PLEKHH2: variants seen among roughly 807,000 people sequenced by gnomAD.
PLEKHH2 encodes pleckstrin homology domain-containing family H member 2.
Under a neutral mutation model 187.9 loss-of-function variants are expected in PLEKHH2, and 129 were observed. The ratio of observed to expected loss-of-function variants is 0.69; its 90% CI spans 0.59 to 0.79. The LOEUF (loss-of-function observed/expected upper bound fraction) is 0.79, where lower values mean the gene tolerates loss of function less well. Among genes scored for constraint, PLEKHH2 ranks in the 30% least tolerant of loss-of-function variants. The pLI is 0.00. For missense variants in PLEKHH2, 2,076 were observed against 1,751.2 expected (o/e 1.19, Z -3.31); for synonymous variants, 686 against 605.6 (o/e 1.13, Z -1.95).
chr2:43,700,111 GA>G lies in PLEKHH2; in HGVS notation c.1155del (p.Glu385AspfsTer2). 1 of 1,614,108 alleles carries G rather than the reference GA, an allele frequency of 6.2e-7. No individual in the cohort carries two copies. Among genetic ancestry groups the G allele is most frequent in the Non-Finnish European group, 8.5e-7 (1 of 1,180,020 alleles). On this transcript the variant is annotated frameshift_variant, in exon 8 of 30. Transcript: ENST00000282406. LOFTEE classifies it high-confidence loss of function. ...AAAGGAACAAGATAGTTCCTCGGAT[GA>G]ACTGAATAAAAAATTTCAATCCCAG... is the stretch of plus-strand genomic sequence containing the variant. Reference protein sequence around the residue: ...SKKEQDSSSDELNKKFQSQRL... With the variant: ...SKKEQDSSSDXLNKKFQSQRL...
chr2:43,709,615 A>G (rs1478006264), intron 11 of PLEKHH2, among the ~76,000 whole-genome samples: 1 of 152,164 alleles, frequency 6.6e-6, no homozygotes, highest in Non-Finnish European at 1.5e-5. Flanking sequence ...AGGCAGGCGG[A>G]TCACGAGGTC....
At chr2:43,731,134 G>A (rs553884659) in intron 18 of PLEKHH2, among the ~76,000 whole-genome samples, 20 of 152,298 alleles carry the variant, frequency 1.3e-4, no homozygotes, top group Non-Finnish European at 2.4e-4. Context: ...CTGAGGGAAA[G>A]GGTGGGAAGG....
intron 2 of PLEKHH2, among the ~76,000 whole-genome samples, chr2:43,647,495 T>C (rs1666237602): frequency 6.6e-6 from 1 of 152,182 alleles, no homozygotes; most frequent in South Asian, 2.1e-4. Context: ...CACTCATCCA[T>C]TCTGTCCTCT....
chr2:43,752,526 G>A (rs1001910685), intron 24 of PLEKHH2, among the ~76,000 whole-genome samples: 1 of 152,124 alleles, frequency 6.6e-6, no homozygotes, highest in Non-Finnish European at 1.5e-5. Flanking sequence ...TAAATGATAG[G>A]GGTGTGTCCT....
At chr2:43,638,323 C>A (rs575993307) in intron 1 of PLEKHH2, among the ~76,000 whole-genome samples, 1 of 152,130 alleles carries the variant, frequency 6.6e-6, no homozygotes, top group South Asian at 2.1e-4. Context: ...GTTAAGCTGT[C>A]CCTTAAGAGG....
intron 26 of PLEKHH2, among the ~76,000 whole-genome samples, chr2:43,757,836 A>C (rs1672276392): frequency 6.6e-6 from 1 of 151,886 alleles, no homozygotes; most frequent in African/African-American, 2.4e-5. Context: ...TGTCCAGAAC[A>C]ACCCTGATAA....
At chr2:43,754,202 AC>A (rs1406303723) in intron 25 of PLEKHH2, among the ~76,000 whole-genome samples, 2,094 of 110,306 alleles carry the variant, frequency 0.019, 53 homozygotes, top group African/African-American at 0.063. Flanking sequence ...ACACACACAC[AC>A]ACAAAATTAA....
At chr2:43,656,028 G>A (rs2374567) in intron 2 of PLEKHH2, among the ~76,000 whole-genome samples, 86,983 of 151,254 alleles carry the variant, frequency 0.58, 25,528 homozygotes, top group Middle Eastern at 0.68. Context: ...GCATGATCTC[G>A]GCTCACTGCA....
chr2:43,713,053 T>G (rs752832702), intron 15 of PLEKHH2, among the ~76,000 whole-genome samples: 10 of 152,174 alleles, frequency 6.6e-5, no homozygotes, highest in Non-Finnish European at 1.2e-4. Context: ...TTGGCTGAAG[T>G]GTTAACTTAG....
At chr2:43,672,036 C>T (rs1349049591) in intron 2 of PLEKHH2, among the ~76,000 whole-genome samples, 1 of 152,128 alleles carries the variant, frequency 6.6e-6, no homozygotes, top group Non-Finnish European at 1.5e-5. Flanking sequence ...CAAGTGAAAC[C>T]ATCTAGTCCT....
chr2:43,701,106 C>T (rs114447600), intron 8 of PLEKHH2, among the ~76,000 whole-genome samples: 49 of 152,296 alleles, frequency 3.2e-4, no homozygotes, highest in African/African-American at 1.2e-3. Flanking sequence ...ACTGATAAAA[C>T]TAATTTTAGA....
Position 43,744,867 on chromosome 2 carries a change from CAA to C in PLEKHH2, c.3555+897_3555+898del, listed in dbSNP as rs774106764. Among the ~76,000 whole-genome samples the C allele has an allele frequency of 9.7e-5, 8 of 82,782 alleles. No individual in the cohort carries two copies. The East Asian group carries it at 1.2e-3, about 13-fold the overall frequency. The allele number at this position is 82,782 out of a possible 152,430, so 54.3% of individuals were successfully genotyped here. ...TGGGTGACAGAGCAAGACTGTCTCACAAAAAAAAAAAAAAAAAAAAGAAAAAG... is the reference window on the plus strand; with the variant it reads ...TGGGTGACAGAGCAAGACTGTCTCACAAAAAAAAAAAAAAAAAAGAAAAAG... On this transcript the variant is annotated intron_variant, in intron 23 of 29. Coordinates refer to ENST00000282406, the MANE Select transcript of PLEKHH2 (RefSeq NM_172069.4).
intron 3 of PLEKHH2, chr2:43,680,369 G>C (rs1287029067): frequency 1.9e-5 from 1 of 53,116 alleles, no homozygotes; most frequent in Non-Finnish European, 5.8e-5. Flanking sequence ...ATACACACAT[G>C]GAAATATCCC....
intron 2 of PLEKHH2, among the ~76,000 whole-genome samples, chr2:43,671,269 G>A (rs770178408): frequency 3.9e-5 from 6 of 152,070 alleles, no homozygotes; most frequent in Non-Finnish European, 8.8e-5. Flanking sequence ...TTACAGGTGT[G>A]AGCCACCACA....
At chr2:43,686,440 C>G (rs996179873) in intron 3 of PLEKHH2, among the ~76,000 whole-genome samples, 4 of 152,154 alleles carry the variant, frequency 2.6e-5, no homozygotes, top group Admixed American at 6.5e-5. Context: ...CAGGTGATCC[C>G]CCTGCCTTGG....
chr2:43,741,090 G>C, intron 21 of PLEKHH2, 47 bp downstream of exon 21: 1 of 1,510,198 alleles, frequency 6.6e-7, no homozygotes, highest in Middle Eastern at 1.7e-4. Flanking sequence ...GCCTCTGAAA[G>C]TCTACGATAA....
At chr2:43,722,581 A>G (rs1670533177) in intron 16 of PLEKHH2, among the ~76,000 whole-genome samples, 1 of 152,218 alleles carries the variant, frequency 6.6e-6, no homozygotes, top group Non-Finnish European at 1.5e-5. Flanking sequence ...ACTGGGAACC[A>G]TAACAGGGAA....
In PLEKHH2 at chr2:43,745,954, A is replaced by T. The variant is rs985491760; in HGVS notation, c.3644A>T (p.Tyr1215Phe). ...CEGTRTVRLTYKNRLYFSVQA... is the reference protein window; with the variant it reads ...CEGTRTVRLTFKNRLYFSVQA... ...GGTACAAGGACTGTTCGTCTGACATACAAAAACAGGTGTGTAATACTGCAT... is the reference window on the plus strand; with the variant it reads ...GGTACAAGGACTGTTCGTCTGACATTCAAAAACAGGTGTGTAATACTGCAT... The change falls in exon 24 of 30, where the codon TAC (tyrosine) becomes TTC (phenylalanine). Residue 1215 changes from tyrosine (Y) to phenylalanine (F), a missense_variant. Transcript: ENST00000282406. 5.0e-6 allele frequency: 8 copies of T among 1,607,124 alleles called. No homozygotes were observed. In the African/African-American group the frequency reaches 1.1e-4, roughly 21 times the overall value.
intron 2 of PLEKHH2, among the ~76,000 whole-genome samples, chr2:43,673,081 A>G (rs1005250799): frequency 6.6e-6 from 1 of 152,078 alleles, no homozygotes; most frequent in Non-Finnish European, 1.5e-5. Flanking sequence ...TATTAGAGAG[A>G]TTTTCAAACA....
Sources: allele counts gnomAD v4.1 joint callset (sites outside exome capture counted in the v4.1 genomes callset), GRCh38; gene constraint gnomAD v4.1.1; transcripts MANE v1.5; gene names NCBI Gene and HGNC (gene_info 2026-07-23, HGNC 2026-07-21).